UBXN4: variants seen among roughly 807,000 people sequenced by gnomAD.
UBXN4 encodes the protein UBX domain-containing protein 4.
Under a neutral mutation model 66.2 loss-of-function variants are expected in UBXN4, and 35 were observed. That is an observed-to-expected ratio of 0.53 (90% CI 0.40 to 0.70). UBXN4 has a LOEUF of 0.70. Among genes scored for constraint, UBXN4 ranks in the 30% least tolerant of loss-of-function variants. The pLI is 0.00. For missense variants in UBXN4, 533 were observed against 599.8 expected, an observed-to-expected ratio of 0.89 and a Z score of 1.16; for synonymous variants, 203 against 204.5, an observed-to-expected ratio of 0.99 and a Z score of 0.06.
chr2:135,750,577 A>G (rs1299442214), intron 2 of UBXN4, among the ~76,000 whole-genome samples: 1 of 152,180 alleles, frequency 6.6e-6, no homozygotes, highest in Non-Finnish European at 1.5e-5. Flanking sequence ...TTTATGTAAA[A>G]ATTTTCTGTG....
In UBXN4 at chr2:135,755,605, A is replaced by T. The variant is rs1327555120; in HGVS notation, c.422A>T (p.Asn141Ile). ...VSTPSASFEP[N>I]NTCENSQSRN... is the part of the protein sequence containing the mutation. Reference sequence around the variant, plus strand: ...ACTCCATCTGCGTCATTTGAACCTAACAACACTTGTGAAAACTCTCAGTCC... The same window carrying T: ...ACTCCATCTGCGTCATTTGAACCTATCAACACTTGTGAAAACTCTCAGTCC... The change falls in exon 5 of 13, where the codon AAC becomes ATC. Residue 141 changes from asparagine to isoleucine, a missense_variant. Transcript: ENST00000272638. The T allele has an allele frequency of 3.1e-6, 5 of 1,609,924 alleles. No homozygotes were observed. Among genetic ancestry groups the T allele is most frequent in the Non-Finnish European group, 4.2e-6 (5 of 1,178,004 alleles).
intron 1 of UBXN4, among the ~76,000 whole-genome samples, chr2:135,742,919 C>T (rs1318989268): frequency 6.6e-6 from 1 of 152,122 alleles, no homozygotes; most frequent in Non-Finnish European, 1.5e-5. Context: ...CGTTTATTAA[C>T]TCATATATTC....
At position 135,741,889 on chromosome 2, in the gene UBXN4, G is replaced by T. The variant is rs1436006127; in HGVS notation, c.-41G>T. Reference sequence around the variant, plus strand: ...GGGCGGAGCCGGCTTCGGGACTGCGGAGACTACACACCGAGCGAGCGCCTG... The same window carrying T: ...GGGCGGAGCCGGCTTCGGGACTGCGTAGACTACACACCGAGCGAGCGCCTG... On this transcript the variant is annotated 5_prime_UTR_variant, in exon 1 of 13. Transcript: ENST00000272638. 1 of 1,589,756 alleles carries T rather than the reference G, an allele frequency of 6.3e-7. No homozygotes were observed. The highest frequency in any genetic ancestry group is 8.6e-7 in the Non-Finnish European group (1 of 1,168,530).
chr2:135,742,219 C>T (rs975555701), intron 1 of UBXN4, among the ~76,000 whole-genome samples: 1 of 152,210 alleles, frequency 6.6e-6, no homozygotes, highest in African/African-American at 2.4e-5. Context: ...CAGCGCCCTG[C>T]TCCTTCAGGC....
At chr2:135,743,809 C>A (rs555867787) in intron 1 of UBXN4, among the ~76,000 whole-genome samples, 14 of 152,072 alleles carry the variant, frequency 9.2e-5, no homozygotes, top group Non-Finnish European at 1.6e-4. Flanking sequence ...AACTCTAGTA[C>A]AAATTATTGG....
chr2:135,781,013 TTA>T (rs1200437612), intron 12 of UBXN4, among the ~76,000 whole-genome samples: 1 of 152,196 alleles, frequency 6.6e-6, no homozygotes, highest in African/African-American at 2.4e-5. Flanking sequence ...TTACTTGAGC[TTA>T]TGCATTCAAG....
chr2:135,758,449 A>G (rs2077291746), intron 5 of UBXN4, among the ~76,000 whole-genome samples: 1 of 152,214 alleles, frequency 6.6e-6, no homozygotes, highest in East Asian at 1.9e-4. Flanking sequence ...CCTGTCCTCC[A>G]GTAATCCTCC....
chr2:135,781,249 T>C lies in UBXN4; in HGVS notation c.1388+864T>C, dbSNP rs371779817. On this transcript the variant is annotated intron_variant, in intron 12 of 12. Transcript: ENST00000272638. ...CAAAACAAAAACAAAACAACTTTTATAGCAGATAGCATGCAATGGTTAGCA... is the reference window on the plus strand; with the variant it reads ...CAAAACAAAAACAAAACAACTTTTACAGCAGATAGCATGCAATGGTTAGCA... 9.2e-5 allele frequency among the ~76,000 whole-genome samples: 14 copies of C among 152,292 alleles called. No homozygotes were observed. The South Asian group carries it at 2.1e-3, about 23-fold the overall frequency.
At chr2:135,748,165 A>T (rs998669566) in intron 1 of UBXN4, 102 bp from the exon 2 acceptor site, 60 of 813,964 alleles carry the variant, frequency 7.4e-5, no homozygotes, top group Non-Finnish European at 1.1e-4. Context: ...AAAGTGGTAT[A>T]GGTGGGATTA....
chr2:135,753,969 C>A, intron 3 of UBXN4, 190 bp from the exon 4 acceptor site: 1 of 532,146 alleles, frequency 1.9e-6, no homozygotes, highest in Non-Finnish European at 3.3e-6. Context: ...CTAGAATATA[C>A]CTCATAAATT....
At chr2:135,780,538 A>G (rs893422416) in intron 12 of UBXN4, among the ~76,000 whole-genome samples, 153 bp downstream of exon 12, 1 of 152,224 alleles carries the variant, frequency 6.6e-6, no homozygotes, top group Non-Finnish European at 1.5e-5. Flanking sequence ...ACTTTATTAC[A>G]TCATCTCTAC....
intron 11 of UBXN4, among the ~76,000 whole-genome samples, chr2:135,779,409 TCTA>T (rs1029259172): frequency 3.9e-5 from 6 of 152,242 alleles, no homozygotes; most frequent in Admixed American, 1.3e-4. Context: ...TTATATATGC[TCTA>T]CTGTTTGCCA....
chr2:135,764,860 G>A (rs1258674505), intron 6 of UBXN4, among the ~76,000 whole-genome samples: 2 of 152,196 alleles, frequency 1.3e-5, no homozygotes, highest in African/African-American at 4.8e-5. Flanking sequence ...CTGTTGCCAG[G>A]CTGGAGTGCA....
intron 12 of UBXN4, among the ~76,000 whole-genome samples, chr2:135,781,897 G>T (rs894496711): frequency 2.0e-5 from 3 of 152,086 alleles, no homozygotes; most frequent in Non-Finnish European, 4.4e-5. Flanking sequence ...ACATAGTGAG[G>T]CTCCATCTCT....
chr2:135,771,814 C>T (rs978645214), intron 8 of UBXN4, among the ~76,000 whole-genome samples: 3 of 152,120 alleles, frequency 2.0e-5, no homozygotes, highest in African/African-American at 4.8e-5. Flanking sequence ...CCACCCACCT[C>T]GGCCTCCCAA....
At chr2:135,758,841 C>T (rs924693982) in intron 5 of UBXN4, among the ~76,000 whole-genome samples, 2 of 152,066 alleles carry the variant, frequency 1.3e-5, no homozygotes, top group African/African-American at 4.8e-5. Context: ...TCACTGCAAC[C>T]TCCACTTCCC....
intron 1 of UBXN4, among the ~76,000 whole-genome samples, chr2:135,747,461 A>G (rs1367607350): frequency 1.3e-5 from 2 of 151,848 alleles, no homozygotes; most frequent in African/African-American, 4.8e-5. Context: ...TAGATTAGTT[A>G]TAGGTTAGCA....
At chr2:135,765,673 T>C (rs1283396002) in intron 6 of UBXN4, among the ~76,000 whole-genome samples, 2 of 152,082 alleles carry the variant, frequency 1.3e-5, no homozygotes, top group African/African-American at 2.4e-5. Context: ...CTGATTCATT[T>C]GAAAGTTGCA....
intron 10 of UBXN4, among the ~76,000 whole-genome samples, chr2:135,777,599 A>G (rs1188773763): frequency 2.0e-5 from 3 of 152,134 alleles, no homozygotes; most frequent in African/African-American, 7.2e-5. Flanking sequence ...TTAAAACTCC[A>G]CCTCAGGCCA....
Sources: allele counts gnomAD v4.1 joint callset (sites outside exome capture counted in the v4.1 genomes callset), GRCh38; gene constraint gnomAD v4.1.1; transcripts MANE v1.5; gene names NCBI Gene and HGNC (gene_info 2026-07-23, HGNC 2026-07-21).